The following CREB5 variants were observed in gnomAD, a reference collection of about 807,000 sequenced individuals.
CREB5 encodes cAMP responsive element binding protein 5.
CREB5 carries 19 observed loss-of-function variants against 57.1 expected under a neutral mutation model. The observed-to-expected ratio is 0.33, with a 90% CI of 0.23 to 0.49. The LOEUF (loss-of-function observed/expected upper bound fraction) is 0.49. Ranked by LOEUF, CREB5 falls within the 20% of genes least tolerant of loss-of-function variation. CREB5 has a pLI of 0.99. For missense variants in CREB5, 579 were observed against 671.6 expected, an observed-to-expected ratio of 0.86 and a Z score of 1.52; for synonymous variants, 238 against 238.3, an observed-to-expected ratio of 1.00 and a Z score of 0.01.
At chr7:28,792,003 C>T (rs182305030) in intron 7 of CREB5, among the ~76,000 whole-genome samples, 27 of 152,188 alleles carry the variant, frequency 1.8e-4, no homozygotes, top group Non-Finnish European at 3.4e-4. Context: ...GTGATTCTAC[C>T]GTCAAAAATG....
At chr7:28,777,798 C>T (rs1806746625) in intron 7 of CREB5, among the ~76,000 whole-genome samples, 4 of 151,862 alleles carry the variant, frequency 2.6e-5, no homozygotes, top group Admixed American at 2.6e-4. Context: ...TGAAAGATGT[C>T]TGTGTTAACA....
intron 4 of CREB5, among the ~76,000 whole-genome samples, chr7:28,560,915 CGTGTGTGCGCGTGCGT>C (rs1562797804): frequency 1.2e-4 from 2 of 16,874 alleles, no homozygotes; most frequent in African/African-American, 2.8e-4. Context: ...CGTGCGTGTG[CGTGTGTGCGCGTGCGT>C]GTGTGCGTGC....
chr7:28,567,434 C>T (rs1250171763), intron 4 of CREB5, among the ~76,000 whole-genome samples: 1 of 152,192 alleles, frequency 6.6e-6, no homozygotes, highest in African/African-American at 2.4e-5. Flanking sequence ...ATAGTTCACC[C>T]ATTCACTCAA....
chr7:28,381,434 A>G (rs969180586), intron 1 of CREB5, among the ~76,000 whole-genome samples: 1 of 152,218 alleles, frequency 6.6e-6, no homozygotes, highest in African/African-American at 2.4e-5. Flanking sequence ...TTATTGGGAA[A>G]TGGAGTATTC....
intron 5 of CREB5, among the ~76,000 whole-genome samples, chr7:28,642,329 A>G (rs185618149): frequency 1.3e-5 from 2 of 152,300 alleles, no homozygotes; most frequent in African/African-American, 4.8e-5. Context: ...AAAGGTATGG[A>G]TAGCAACCAA....
chr7:28,637,118 T>C (rs1182674665), intron 5 of CREB5, among the ~76,000 whole-genome samples: 2 of 151,998 alleles, frequency 1.3e-5, no homozygotes, highest in African/African-American at 4.8e-5. Flanking sequence ...CGTGCCACTG[T>C]ACTCCAGCCT....
At chr7:28,762,096 T>G (rs1805693221) in intron 7 of CREB5, among the ~76,000 whole-genome samples, 1 of 152,174 alleles carries the variant, frequency 6.6e-6, no homozygotes, top group South Asian at 2.1e-4. Context: ...GCTTTATATA[T>G]TTTCCCAGAT....
intron 7 of CREB5, among the ~76,000 whole-genome samples, chr7:28,793,756 G>A (rs1807866427): frequency 6.6e-6 from 1 of 152,200 alleles, no homozygotes; most frequent in East Asian, 1.9e-4. Flanking sequence ...TGCACCTCCT[G>A]CAGCACACAC....
chr7:28,331,890 A>T (rs1016608405), intron 1 of CREB5, among the ~76,000 whole-genome samples: 3 of 151,650 alleles, frequency 2.0e-5, no homozygotes, highest in African/African-American at 7.3e-5. Context: ...TCTTATTTTA[A>T]TTATTTGCTT....
chr7:28,556,189 C>T lies in CREB5; in HGVS notation c.292-14176C>T, dbSNP rs1054725351. Among the ~76,000 whole-genome samples the T allele has an allele frequency of 1.1e-4, 16 of 152,258 alleles. No individual in the cohort carries two copies. The East Asian group carries it at 1.7e-3, about 17-fold the overall frequency. ...GCAGAAAGTAGAGTTGAGCTCGGCA[C>T]GGTAATGGCTTTATGGTACATAAAC... is the stretch of plus-strand genomic sequence containing the variant. On this transcript the variant is annotated intron_variant, in intron 4 of 10. Transcript: ENST00000357727.
chr7:28,687,473 C>T (rs1801001833), intron 5 of CREB5, among the ~76,000 whole-genome samples: 1 of 150,576 alleles, frequency 6.6e-6, no homozygotes, highest in Admixed American at 6.7e-5. Context: ...TACCACATTT[C>T]TGTTTCATAG....
In CREB5 at chr7:28,772,841, G is replaced by A. The variant is rs114675675; in HGVS notation, c.703-31358G>A. 4.2e-3 allele frequency among the ~76,000 whole-genome samples: 632 copies of A among 152,200 alleles called. 5 individuals carry two copies. Among genetic ancestry groups the A allele is most frequent in the African/African-American group, 0.013 (558 of 41,516 alleles). ...TCTCTCATCTACTGCATTTTGGGGC[G>A]GGCAGAGTAAGGAAAATACTTGGAT... On this transcript the variant is annotated intron_variant, in intron 7 of 10. Coordinates refer to ENST00000357727, the MANE Select transcript of CREB5 (RefSeq NM_182898.4).
intron 7 of CREB5, among the ~76,000 whole-genome samples, chr7:28,766,827 C>T (rs762949607): frequency 3.9e-5 from 6 of 152,128 alleles, no homozygotes; most frequent in Non-Finnish European, 8.8e-5. Context: ...CTAGTATCCA[C>T]GGGAAAAGGC....
chr7:28,477,360 T>A (rs217507), intron 1 of CREB5, among the ~76,000 whole-genome samples: 1 of 152,148 alleles, frequency 6.6e-6, no homozygotes, highest in African/African-American at 2.4e-5. Flanking sequence ...CCTCTTCCCC[T>A]TTTTTCTTTC....
At chr7:28,482,012 T>C (rs937769827) in intron 1 of CREB5, among the ~76,000 whole-genome samples, 4 of 152,230 alleles carry the variant, frequency 2.6e-5, no homozygotes, top group African/African-American at 7.2e-5. Flanking sequence ...TAAAGATATA[T>C]TTGAAATCCA....
At chr7:28,731,004 A>G (rs928984540) in intron 7 of CREB5, among the ~76,000 whole-genome samples, 1 of 152,236 alleles carries the variant, frequency 6.6e-6, no homozygotes, top group Non-Finnish European at 1.5e-5. Flanking sequence ...GCTTATGCCT[A>G]TTAAACTCTC....
chr7:28,659,505 C>T (rs755915370), intron 5 of CREB5, among the ~76,000 whole-genome samples: 27 of 152,158 alleles, frequency 1.8e-4, no homozygotes, highest in Admixed American at 3.3e-4. Flanking sequence ...GCACAAAGCC[C>T]TAAACCAACA....
intron 5 of CREB5, chr7:28,686,119 C>T: frequency 1.9e-6 from 3 of 1,612,306 alleles, no homozygotes; most frequent in Non-Finnish European, 2.5e-6. Flanking sequence ...AGCTTTGGCT[C>T]AAATTCTACA....
intron 4 of CREB5, among the ~76,000 whole-genome samples, chr7:28,566,075 G>A (rs160349): frequency 0.67 from 102,113 of 152,106 alleles, 34,823 homozygotes; most frequent in African/African-American, 0.79. Flanking sequence ...TATTTTGGAT[G>A]CCTTTATTCA....
Sources: allele counts gnomAD v4.1 joint callset (sites outside exome capture counted in the v4.1 genomes callset), GRCh38; gene constraint gnomAD v4.1.1; transcripts MANE v1.5; gene names NCBI Gene and HGNC (gene_info 2026-07-23, HGNC 2026-07-21).